Variants in KIF16B observed in about 807,000 individuals in gnomAD.
KIF16B encodes kinesin-like protein KIF16B.
A neutral mutation model predicts 156.3 loss-of-function variants in KIF16B; 98 were observed. The ratio of observed to expected loss-of-function variants is 0.63; its 90% CI spans 0.53 to 0.74. KIF16B has a LOEUF of 0.74. KIF16B is among the 30% of genes least tolerant of loss of function. The pLI is 0.00. For synonymous variants in KIF16B, 564 were observed against 583.7 expected, an observed-to-expected ratio of 0.97 and a Z score of 0.49; for missense variants, 1,421 against 1,606.5, an observed-to-expected ratio of 0.88 and a Z score of 1.97.
At chr20:16,332,699 A>G (rs2063968431) in intron 24 of KIF16B, among the ~76,000 whole-genome samples, 1 of 152,200 alleles carries the variant, frequency 6.6e-6, no homozygotes, top group Non-Finnish European at 1.5e-5. Flanking sequence ...TGGTCTGAAG[A>G]CTGAAACTTA....
chr20:16,356,870 C>T (rs909578930), intron 22 of KIF16B, among the ~76,000 whole-genome samples: 1 of 152,218 alleles, frequency 6.6e-6, no homozygotes, highest in African/African-American at 2.4e-5. Flanking sequence ...TATAAAGCTG[C>T]AAAAGCTAGA....
At chr20:16,405,747 T>C (rs2065766759) in intron 16 of KIF16B, among the ~76,000 whole-genome samples, 2 of 152,096 alleles carry the variant, frequency 1.3e-5, no homozygotes, top group South Asian at 4.1e-4. Flanking sequence ...AGATAGAATA[T>C]ATGTACAAGT....
chr20:16,490,207 G>A (rs766319675), intron 12 of KIF16B, among the ~76,000 whole-genome samples: 4 of 152,012 alleles, frequency 2.6e-5, no homozygotes, highest in Non-Finnish European at 5.9e-5. Context: ...TTAATTAAGG[G>A]GATTAAAATG....
chr20:16,352,130 G>A (rs1052270971), intron 23 of KIF16B, among the ~76,000 whole-genome samples: 4 of 152,200 alleles, frequency 2.6e-5, no homozygotes, highest in African/African-American at 4.8e-5. Context: ...GGCACTGACT[G>A]CAAACGGCCA....
At chr20:16,570,240 C>T (rs6131846) in intron 1 of KIF16B, among the ~76,000 whole-genome samples, 36,983 of 151,948 alleles carry the variant, frequency 0.24, 4,730 homozygotes, top group African/African-American at 0.33. Context: ...TCTTTGTAGG[C>T]AGCAATATAA....
intron 24 of KIF16B, among the ~76,000 whole-genome samples, chr20:16,319,113 C>G (rs186181779): frequency 1.6e-4 from 24 of 152,248 alleles, no homozygotes; most frequent in Admixed American, 1.2e-3. Flanking sequence ...GAAACTGTCA[C>G]AGTGAAGAGG....
intron 1 of KIF16B, among the ~76,000 whole-genome samples, chr20:16,556,358 G>T (rs997948787): frequency 1.3e-5 from 2 of 152,298 alleles, no homozygotes; most frequent in Non-Finnish European, 2.9e-5. Flanking sequence ...TGGCTACCCG[G>T]AGACTCCAGA....
Position 16,323,845 on chromosome 20 carries a change from T to TA in KIF16B, c.3712-11428dup, listed in dbSNP as rs143240309. On this transcript the variant is annotated intron_variant, in intron 24 of 25. Coordinates refer to ENST00000354981, the MANE Select transcript of KIF16B (RefSeq NM_024704.5). ...CTGTTGTCACCAAAAAGCTAAAACT[T>TA]AGAGTCATCCTAGATATAAAATCAA... Among the ~76,000 whole-genome samples, 1,261 of 151,682 alleles carry TA rather than the reference T, an allele frequency of 8.3e-3. 14 individuals carry two copies. Among genetic ancestry groups the TA allele is most frequent in the African/African-American group, 0.029 (1,205 of 41,414 alleles).
chr20:16,464,880 G>C (rs1223569614), intron 12 of KIF16B, among the ~76,000 whole-genome samples: 1 of 152,096 alleles, frequency 6.6e-6, no homozygotes, highest in Non-Finnish European at 1.5e-5. Context: ...TTAATTCCTT[G>C]CTCTCTGAGA....
At chr20:16,345,240 G>A (rs1281547115) in intron 23 of KIF16B, among the ~76,000 whole-genome samples, 1 of 152,174 alleles carries the variant, frequency 6.6e-6, no homozygotes, top group Non-Finnish European at 1.5e-5. Context: ...ATTGTCTCCT[G>A]AATGGATGAA....
At chr20:16,465,693 T>C (rs1359791522) in intron 12 of KIF16B, among the ~76,000 whole-genome samples, 2 of 152,204 alleles carry the variant, frequency 1.3e-5, no homozygotes, top group Non-Finnish European at 2.9e-5. Context: ...CATTTAATCA[T>C]GCATTCAGTC....
chr20:16,375,858 T>C (rs1568905545), intron 19 of KIF16B, among the ~76,000 whole-genome samples: 1 of 151,994 alleles, frequency 6.6e-6, no homozygotes. Context: ...CTGAGTGAGA[T>C]TTATATGGAT....
At chr20:16,429,118 G>A (rs2066433511) in intron 13 of KIF16B, 114 bp from the exon 14 acceptor site, 1 of 863,560 alleles carries the variant, frequency 1.2e-6, no homozygotes, top group Non-Finnish European at 2.0e-6. Context: ...ACAACATCCT[G>A]GCAGGCCACA....
intron 24 of KIF16B, among the ~76,000 whole-genome samples, chr20:16,318,000 CA>C (rs1339576588): frequency 6.6e-6 from 1 of 152,164 alleles, no homozygotes; most frequent in African/African-American, 2.4e-5. Context: ...AACCAGAAAA[CA>C]AGAGAAGATG....
At chr20:16,337,516 C>A (rs1013858905) in intron 23 of KIF16B, among the ~76,000 whole-genome samples, 5 of 151,502 alleles carry the variant, frequency 3.3e-5, no homozygotes, top group African/African-American at 1.2e-4. Context: ...TTATGAGTTT[C>A]CTTGAAAAAG....
intron 1 of KIF16B, among the ~76,000 whole-genome samples, chr20:16,558,235 GAC>G (rs1343611655): frequency 6.6e-6 from 1 of 152,236 alleles, no homozygotes; most frequent in Admixed American, 6.5e-5. Flanking sequence ...CATCTCTCTA[GAC>G]ACAGAGTGTG....
At chr20:16,554,647 C>A (rs1014267140) in intron 1 of KIF16B, among the ~76,000 whole-genome samples, 2 of 152,214 alleles carry the variant, frequency 1.3e-5, no homozygotes, top group African/African-American at 4.8e-5. Context: ...GTCCCTTGCT[C>A]ACCACGTTGC....
chr20:16,502,980 C>CA (rs763121096), intron 10 of KIF16B, among the ~76,000 whole-genome samples: 3 of 152,112 alleles, frequency 2.0e-5, no homozygotes, highest in Admixed American at 6.5e-5. Flanking sequence ...TTTGGGAGGC[C>CA]AAGGCGGGCA....
intron 25 of KIF16B, among the ~76,000 whole-genome samples, chr20:16,288,676 C>T (rs1428352534): frequency 6.7e-6 from 1 of 150,118 alleles, no homozygotes; most frequent in Non-Finnish European, 1.5e-5. Flanking sequence ...TATTGGGATC[C>T]CATCATAAGT....
Sources: allele counts gnomAD v4.1 joint callset (sites outside exome capture counted in the v4.1 genomes callset), GRCh38; gene constraint gnomAD v4.1.1; transcripts MANE v1.5; gene names NCBI Gene and HGNC (gene_info 2026-07-23, HGNC 2026-07-21).